DOCK4: variants seen among roughly 807,000 people sequenced by gnomAD.
DOCK4 encodes the protein dedicator of cytokinesis 4, also known as dedicator of cytokinesis protein 4.
In DOCK4, 97 loss-of-function variants were observed where a neutral mutation model predicts 268.1. That is an observed-to-expected ratio of 0.36 (90% CI 0.31 to 0.43). The LOEUF (loss-of-function observed/expected upper bound fraction) is 0.43, where lower values mean the gene tolerates loss of function less well. Ranked by LOEUF, DOCK4 falls within the 20% of genes least tolerant of loss-of-function variation. The pLI is 1.00. For missense variants in DOCK4, 2,145 were observed against 2,455.7 expected, an observed-to-expected ratio of 0.87 and a Z score of 2.67; for synonymous variants, 954 against 887.2, an observed-to-expected ratio of 1.08 and a Z score of -1.34.
intron 1 of DOCK4, among the ~76,000 whole-genome samples, chr7:112,059,914 T>C (rs1365109256): frequency 1.3e-5 from 2 of 152,176 alleles, no homozygotes; most frequent in Non-Finnish European, 2.9e-5. Context: ...AGATGATACA[T>C]TTAAGAGCCA....
At chr7:111,984,588 G>A (rs1167175916) in intron 6 of DOCK4, among the ~76,000 whole-genome samples, 198 bp from the exon 7 acceptor site, 3 of 152,198 alleles carry the variant, frequency 2.0e-5, no homozygotes, top group African/African-American at 7.2e-5. Context: ...AACATAGAAG[G>A]TGAGAAAGAC....
rs139272837 is a variant in DOCK4, at chr7:112,097,053, G to A, written c.38-92922C>T. Among the ~76,000 whole-genome samples, 142 of 152,214 alleles carry A rather than the reference G, an allele frequency of 9.3e-4. 1 individual carries two copies. Among genetic ancestry groups the A allele is most frequent in the Middle Eastern group, 6.8e-3 (2 of 294 alleles). On this transcript the variant is annotated intron_variant, in intron 1 of 52. Coordinates refer to ENST00000428084, the MANE Select transcript of DOCK4 (RefSeq NM_001363540.2). ...AAATGGAACACAGGACCTGGTTACC[G>A]CAAAAAGCCAACTATCAGTTCACAG...
rs193257118 is a variant in DOCK4, at chr7:111,812,322, C to T, written c.2931-373G>A. 7.2e-5 allele frequency among the ~76,000 whole-genome samples: 11 copies of T among 152,260 alleles called. No individual in the cohort carries two copies. In the East Asian group the frequency reaches 2.1e-3, roughly 29 times the overall value. On this transcript the variant is annotated intron_variant, in intron 27 of 52. Coordinates refer to ENST00000428084, the MANE Select transcript of DOCK4 (RefSeq NM_001363540.2). ...TGAGACAGGGTCTTGCTCTGTTGTC[C>T]AGGCTGGAGTGCAGTGGCATGATCA...
intron 15 of DOCK4, among the ~76,000 whole-genome samples, chr7:111,900,021 T>C (rs990054371): frequency 6.6e-6 from 1 of 152,244 alleles, no homozygotes; most frequent in Non-Finnish European, 1.5e-5. Context: ...CTGAATACTG[T>C]CTGAGAGAGT....
intron 12 of DOCK4, among the ~76,000 whole-genome samples, chr7:111,933,442 G>A (rs555718228): frequency 3.3e-5 from 5 of 150,810 alleles, no homozygotes; most frequent in South Asian, 2.1e-4. Flanking sequence ...TTACAGGCAC[G>A]CGCCACCAGG....
intron 44 of DOCK4, among the ~76,000 whole-genome samples, chr7:111,743,837 A>G (rs976132544): frequency 6.6e-4 from 101 of 152,234 alleles, no homozygotes; most frequent in African/African-American, 2.4e-3. Flanking sequence ...TAATCTTTTT[A>G]GAGACAGAGT....
At chr7:111,810,803 C>T (rs2133907384) in intron 28 of DOCK4, among the ~76,000 whole-genome samples, 1 of 152,186 alleles carries the variant, frequency 6.6e-6, no homozygotes, top group South Asian at 2.1e-4. Context: ...TCAAGGCCAG[C>T]CTGGCGAACA....
intron 44 of DOCK4, among the ~76,000 whole-genome samples, chr7:111,742,856 G>A (rs543145501): frequency 1.3e-5 from 2 of 152,232 alleles, no homozygotes; most frequent in African/African-American, 4.8e-5. Flanking sequence ...GCCAGGTGTG[G>A]TGGCACGTGC....
chr7:112,076,474 C>T (rs1808078498), intron 1 of DOCK4, among the ~76,000 whole-genome samples: 1 of 152,076 alleles, frequency 6.6e-6, no homozygotes. Context: ...CACACTTCCA[C>T]AAATTATTTC....
Position 111,809,383 on chromosome 7 carries a change from A to G in DOCK4, c.3025T>C (p.Tyr1009His), listed in dbSNP as rs1292353260. ...FDYKIWDSYF[Y>H]LAVIFINQLC... The stretch of plus-strand genomic sequence containing the variant: ...TGGTTTATAAAAATGACTGCGAGGT[A>G]AAAGTAGGAATCCCAGATCTAAAAC... Residue 1009 changes from tyrosine (Y) to histidine (H), a missense_variant, in exon 29 of 53, where the codon TAC becomes CAC. Physicochemically the swap from Tyr to His is moderately conservative, Grantham distance 83. Transcript: ENST00000428084. 6.4e-7 allele frequency: 1 copy of G among 1,562,118 alleles called. No homozygotes were observed. The highest frequency in any genetic ancestry group is 8.7e-7 in the Non-Finnish European group (1 of 1,151,618).
At chr7:112,130,725 A>G (rs2116093471) in intron 1 of DOCK4, among the ~76,000 whole-genome samples, 1 of 152,346 alleles carries the variant, frequency 6.6e-6, no homozygotes, top group South Asian at 2.1e-4. Flanking sequence ...AAGTTAGTAA[A>G]TGTGGGGAAA....
Position 112,166,381 on chromosome 7 carries a change from A to G in DOCK4, c.37+39721T>C, listed in dbSNP as rs137882134. 8.9e-4 allele frequency among the ~76,000 whole-genome samples: 135 copies of G among 152,296 alleles called. 1 individual carries two copies. In the Middle Eastern group the frequency reaches 0.014, roughly 15 times the overall value. ...TATACACACATGAAACCCTCACTACAATCTATGCCACGAGCATATCCACCG... is the reference window on the plus strand; with the variant it reads ...TATACACACATGAAACCCTCACTACGATCTATGCCACGAGCATATCCACCG... On this transcript the variant is annotated intron_variant, in intron 1 of 52. Coordinates refer to ENST00000428084, the MANE Select transcript of DOCK4 (RefSeq NM_001363540.2).
intron 6 of DOCK4, among the ~76,000 whole-genome samples, chr7:111,988,227 G>C (rs1799202361): frequency 6.6e-6 from 1 of 152,182 alleles, no homozygotes; most frequent in Admixed American, 6.5e-5. Context: ...AGGAAAGGAA[G>C]GGAGGATAGG....
chr7:111,843,955 A>G (rs184012228), intron 25 of DOCK4, among the ~76,000 whole-genome samples: 1 of 152,294 alleles, frequency 6.6e-6, no homozygotes, highest in East Asian at 1.9e-4. Flanking sequence ...TAATTGCAGA[A>G]AGCCAGCTTC....
Position 111,746,374 on chromosome 7 carries a change from C to G in DOCK4, c.4637G>C (p.Gly1546Ala). The change falls in exon 44 of 53, where the codon GGG becomes GCG. Residue 1546 changes from glycine (G) to alanine (A), a missense_variant. Physicochemically the swap from Gly to Ala is moderately conservative, Grantham distance 60. Transcript: ENST00000428084. ...KEYILSHPED[G>A]EKIARLRELM... ...CTCTCTTAATCGTGCAATTTTCTCC[C>G]CATCTTCAGGGTGACTTAAGATATA... The G allele has an allele frequency of 1.2e-6, 2 of 1,613,010 alleles. No individual in the cohort carries two copies. The highest frequency in any genetic ancestry group is 1.7e-6 in the Non-Finnish European group (2 of 1,179,486).
rs539403080 is a variant in DOCK4 at position 112,109,937 on chromosome 7, G to A, written c.37+96165C>T. Reference sequence around the variant, plus strand: ...TTTTTTTGTGTTTTTTAGGAGACGGGGTTTCACTGTGTTAGCCAGGATGGT... The same window carrying A: ...TTTTTTTGTGTTTTTTAGGAGACGGAGTTTCACTGTGTTAGCCAGGATGGT... On this transcript the variant is annotated intron_variant, in intron 1 of 52. Coordinates refer to ENST00000428084, the MANE Select transcript of DOCK4 (RefSeq NM_001363540.2). 6.6e-5 allele frequency among the ~76,000 whole-genome samples: 10 copies of A among 150,674 alleles called. No homozygotes were observed. The South Asian group carries it at 1.3e-3, about 19-fold the overall frequency.
intron 1 of DOCK4, among the ~76,000 whole-genome samples, chr7:112,051,739 T>C (rs1805376926): frequency 7.8e-6 from 1 of 128,438 alleles, no homozygotes; most frequent in Non-Finnish European, 1.5e-5. Flanking sequence ...TATATTATTA[T>C]ATGAGATGAT....
chr7:112,023,428 C>G (rs1259686799), intron 1 of DOCK4: 4 of 292,526 alleles, frequency 1.4e-5, no homozygotes, highest in Non-Finnish European at 1.4e-5. Context: ...TAAAGAGCAT[C>G]CAAGGCAGCC....
intron 8 of DOCK4, among the ~76,000 whole-genome samples, chr7:111,970,133 C>T (rs141756437): frequency 2.0e-5 from 3 of 152,212 alleles, no homozygotes; most frequent in East Asian, 1.9e-4. Context: ...TACAAACCCT[C>T]GACAGACCCC....
Sources: gnomAD v4.1 joint callset for allele counts (sites outside exome capture counted in the v4.1 genomes callset) on GRCh38, gnomAD v4.1.1 for gene constraint, MANE v1.5 for transcripts, NCBI Gene and HGNC (gene_info 2026-07-23, HGNC 2026-07-21) for gene names.